Variants in HERC1 observed in about 807,000 individuals in gnomAD.
HERC1 encodes the protein HECT and RLD domain containing E3 ubiquitin protein ligase family member 1.
HERC1 carries 160 observed loss-of-function variants against 554.3 expected under a neutral mutation model. That is an observed-to-expected ratio of 0.29 (90% CI 0.25 to 0.33). HERC1 has a LOEUF of 0.33. HERC1 is among the 10% of genes least tolerant of loss of function. HERC1 has a pLI of 1.00. For synonymous variants in HERC1, 2,175 were observed against 2,131.7 expected (o/e 1.02, Z -0.56); for missense variants, 4,919 against 5,918.5 (o/e 0.83, Z 5.54).
rs370144901 is a variant in HERC1, at chr15:63,666,210, A to G, written c.8324-60T>C. The G allele has an allele frequency of 1.7e-4, 242 of 1,462,636 alleles. 8 individuals are homozygous for G. The highest frequency in any genetic ancestry group is 1.3e-3 in the East Asian group (56 of 42,754). The allele number at this position is 1,462,636 out of a possible 1,614,324, so 90.6% of individuals were successfully genotyped here. A position where few individuals can be genotyped will look rare whatever the true frequency, so the allele number is the denominator to read the frequency against. On this transcript the variant is annotated intron_variant, in intron 41 of 77. Coordinates refer to ENST00000443617, the MANE Select transcript of HERC1 (RefSeq NM_003922.4). ...GGGCAAAGAATTAGGTCTTTATGTT[A>G]TAAGAGTGTTTGCTATGATGCTCTT...
In HERC1 at chr15:63,638,692, TATCTTC is replaced by T; in HGVS notation, c.11967+13_11967+18del. On this transcript the variant is annotated intron_variant, in intron 62 of 77. Coordinates refer to ENST00000443617, the MANE Select transcript of HERC1 (RefSeq NM_003922.4). Reference sequence around the variant, plus strand: ...CATTGACTGAGAACCATCATACAGTTATCTTCATCTTTACTGACCTCAGGTCTGGAA... The same window carrying T: ...CATTGACTGAGAACCATCATACAGTTATCTTTACTGACCTCAGGTCTGGAA... 6.2e-7 allele frequency: 1 copy of T among 1,605,170 alleles called. No individual in the cohort carries two copies. Among genetic ancestry groups the T allele is most frequent in the Non-Finnish European group, 8.5e-7 (1 of 1,171,898 alleles).
chr15:63,648,086 G>A lies in HERC1; in HGVS notation c.10861C>T (p.Leu3621=). The A allele has an allele frequency of 1.9e-6, 3 of 1,558,904 alleles. No homozygotes were observed. The highest frequency in any genetic ancestry group is 2.6e-6 in the Non-Finnish European group (3 of 1,150,028). ...GCATTTACCTTATGTGCATCAATTA[G>A]AACAATGCCTCCTTTCTCAAGTGGT... is the stretch of plus-strand genomic sequence containing the variant. The part of the protein sequence containing the change: ...KEPLEKGGIV[L]IDAHKDTLIS... The change falls in exon 55 of 78, where the codon CTA becomes TTA. Residue 3621 remains leucine, a synonymous_variant. Coordinates refer to ENST00000443617, the MANE Select transcript of HERC1 (RefSeq NM_003922.4).
chr15:63,614,991 G>A (rs1367301774), intron 76 of HERC1, among the ~76,000 whole-genome samples: 2 of 152,220 alleles, frequency 1.3e-5, no homozygotes, highest in African/African-American at 2.4e-5. Flanking sequence ...GCTTGTGTGT[G>A]CAGGAGATGC....
chr15:63,686,708 TA>T (rs1237169282), intron 33 of HERC1, among the ~76,000 whole-genome samples, 173 bp from the exon 34 acceptor site: 1 of 152,198 alleles, frequency 6.6e-6, no homozygotes, highest in African/African-American at 2.4e-5. Flanking sequence ...CCCTTCCCCA[TA>T]AAGAGCTTAA....
chr15:63,811,192 T>C (rs904107276), intron 1 of HERC1, among the ~76,000 whole-genome samples: 44 of 152,174 alleles, frequency 2.9e-4, no homozygotes, highest in African/African-American at 9.7e-4. Flanking sequence ...TAGGTGACAA[T>C]GAATTAATGT....
rs2075177728 is a variant in HERC1, at chr15:63,749,884, G to A, written c.1903-93C>T. The A allele has an allele frequency of 2.9e-6, 3 of 1,034,716 alleles. No individual in the cohort carries two copies. The highest frequency in any genetic ancestry group is 4.0e-6 in the Non-Finnish European group (3 of 743,168). 64.1% of individuals were successfully genotyped at this position (1,034,716 alleles called of 1,614,324 possible). ...ATGAAATCTATGAAACTAAAGTGTG[G>A]TTTGATAGTAAATAACTTTCTGATG... On this transcript the variant is annotated intron_variant, in intron 8 of 77. Transcript: ENST00000443617. The surrounding 1 kb of genome is among the most constrained non-coding windows in gnomAD (Gnocchi z 4.1).
intron 1 of HERC1, among the ~76,000 whole-genome samples, chr15:63,817,243 T>C (rs535740202): frequency 1.3e-5 from 2 of 152,344 alleles, no homozygotes; most frequent in South Asian, 4.1e-4. Context: ...TATCTATCTA[T>C]AAACCAGAGA....
rs549410778 is a variant in HERC1, at chr15:63,758,151, T to C, written c.1221+24A>G. On this transcript the variant is annotated intron_variant, in intron 4 of 77. Coordinates refer to ENST00000443617, the MANE Select transcript of HERC1 (RefSeq NM_003922.4). The surrounding 1 kb of genome is among the most constrained non-coding windows in gnomAD (Gnocchi z 4.0). Reference sequence around the variant, plus strand: ...AATATACACCAGATTATCTACCAGTTTGTAAGCTATTTAGAAAACTTACGG... The same window carrying C: ...AATATACACCAGATTATCTACCAGTCTGTAAGCTATTTAGAAAACTTACGG... The C allele has an allele frequency of 5.8e-6, 9 of 1,548,170 alleles. No homozygotes were observed. The highest frequency in any genetic ancestry group is 3.4e-5 in the South Asian group (3 of 87,228).
chr15:63,716,252 CA>C, intron 22 of HERC1, 49 bp downstream of exon 22: 1 of 1,524,156 alleles, frequency 6.6e-7, no homozygotes, highest in Non-Finnish European at 8.9e-7. Context: ...GTTCCCCTAT[CA>C]AAAAGCATGC....
Position 63,775,760 on chromosome 15 carries a change from G to C in HERC1, c.-26-111C>G, listed in dbSNP as rs1318849180. 3.9e-6 allele frequency: 3 copies of C among 775,632 alleles called. No homozygotes were observed. In the South Asian group the frequency reaches 5.6e-5, roughly 14 times the overall value. 48.0% of individuals were successfully genotyped at this position (775,632 alleles called of 1,614,324 possible). A position where few individuals can be genotyped will look rare whatever the true frequency, so the allele number is the denominator to read the frequency against. On this transcript the variant is annotated intron_variant, in intron 1 of 77. Coordinates refer to ENST00000443617, the MANE Select transcript of HERC1 (RefSeq NM_003922.4). This position sits in a 1 kb window ranked among gnomAD's most constrained non-coding sequence, Gnocchi z 4.0. ...GATTTCAAACTGGTGAAATGCAGCCGGGTGCGGTGGCTCACGCCTGTAATC... is the reference window on the plus strand; with the variant it reads ...GATTTCAAACTGGTGAAATGCAGCCCGGTGCGGTGGCTCACGCCTGTAATC...
intron 69 of HERC1, 29 bp from the exon 70 acceptor site, chr15:63,628,844 T>C (rs767811146): frequency 6.3e-7 from 1 of 1,598,996 alleles, no homozygotes; most frequent in East Asian, 2.2e-5. Context: ...TATACAGACA[T>C]TCAATTAGAA....
At chr15:63,772,680 A>C (rs2075989655) in intron 2 of HERC1, among the ~76,000 whole-genome samples, 1 of 152,142 alleles carries the variant, frequency 6.6e-6, no homozygotes, top group Admixed American at 6.5e-5. Flanking sequence ...AAAGAGGCCT[A>C]CACGCCTCCC....
chr15:63,797,657 T>G (rs544647388), intron 1 of HERC1, among the ~76,000 whole-genome samples: 105 of 152,238 alleles, frequency 6.9e-4, no homozygotes, highest in Non-Finnish European at 1.1e-3. Context: ...CTCTGTCTCA[T>G]GCATGGCATG....
At chr15:63,829,561 G>GTGTGTGTGTGTATATATA (rs1220043639) in intron 1 of HERC1, among the ~76,000 whole-genome samples, 4 of 81,730 alleles carry the variant, frequency 4.9e-5, no homozygotes, top group African/African-American at 2.1e-4. Flanking sequence ...GTGTGTGTGT[G>GTGTGTGTGTGTATATATA]TATATATATA....
chr15:63,629,659 CAGTA>C lies in HERC1; in HGVS notation c.12966+803_12966+806del, dbSNP rs541642039. On this transcript the variant is annotated intron_variant, in intron 69 of 77. Coordinates refer to ENST00000443617, the MANE Select transcript of HERC1 (RefSeq NM_003922.4). ...GTGCCTTCAACATTAACTCTCCTCT[CAGTA>C]AGAGTGCAACCACAATGACGAGCAG... Among the ~76,000 whole-genome samples, 195 of 151,658 alleles carry C rather than the reference CAGTA, an allele frequency of 1.3e-3. 1 individual carries two copies. The highest frequency in any genetic ancestry group is 4.4e-3 in the African/African-American group (181 of 40,916).
intron 67 of HERC1, 22 bp from the exon 68 acceptor site, chr15:63,632,833 C>T: frequency 1.4e-6 from 2 of 1,470,776 alleles, no homozygotes; most frequent in Admixed American, 2.0e-5. Flanking sequence ...AAGTGTAAGG[C>T]ACACAACTTT....
At chr15:63,651,127 T>G (rs895147157) in intron 53 of HERC1, 126 bp downstream of exon 53, 2 of 801,418 alleles carry the variant, frequency 2.5e-6, no homozygotes, top group African/African-American at 3.5e-5. Context: ...AGATTGAAAT[T>G]TCAGAGTTGT....
chr15:63,623,952 G>T, intron 72 of HERC1, 62 bp from the exon 73 acceptor site: 1 of 1,544,528 alleles, frequency 6.5e-7, no homozygotes, highest in South Asian at 1.2e-5. Context: ...AAAATCACAT[G>T]ATATCTTCCC....
intron 1 of HERC1, among the ~76,000 whole-genome samples, chr15:63,813,891 T>C (rs573083224): frequency 6.6e-6 from 1 of 152,190 alleles, no homozygotes; most frequent in Admixed American, 6.5e-5. Flanking sequence ...AAACCCCGTC[T>C]CTACAAAAAA....
Sources: allele counts gnomAD v4.1 joint callset (sites outside exome capture counted in the v4.1 genomes callset), GRCh38; gene constraint gnomAD v4.1.1; non-coding constraint Gnocchi (gnomAD v3.1); transcripts MANE v1.5; gene names NCBI Gene and HGNC (gene_info 2026-07-23, HGNC 2026-07-21).